ARL6IP6: variants seen among roughly 807,000 people sequenced by gnomAD.
ARL6IP6 encodes ADP-ribosylation factor-like protein 6-interacting protein 6.
In ARL6IP6, 22 loss-of-function variants were observed where a neutral mutation model predicts 21.5. The observed-to-expected ratio is 1.02, with a 90% confidence interval of 0.73 to 1.46. The LOEUF (loss-of-function observed/expected upper bound fraction) is 1.46, where lower values mean the gene tolerates loss of function less well. Among genes scored for constraint, ARL6IP6 ranks in the 40% most tolerant of loss-of-function variants. The probability of loss-of-function intolerance (pLI) is 0.00; values close to 1 mark genes in which losing one functional copy is unlikely to be tolerated. For missense variants in ARL6IP6, 388 were observed against 299.8 expected (o/e 1.29, Z -2.17); for synonymous variants, 164 against 125.3 (o/e 1.31, Z -2.06).
intron 2 of ARL6IP6, among the ~76,000 whole-genome samples, chr2:152,722,733 C>T (rs1183897735): frequency 6.6e-6 from 1 of 152,006 alleles, no homozygotes; most frequent in African/African-American, 2.4e-5. Flanking sequence ...TGAAACCCCG[C>T]CTTTACTAAA....
rs755471246 is a variant in ARL6IP6 at position 152,718,988 on chromosome 2, G to GC, written c.366dup (p.Phe123LeufsTer11). The GC allele has an allele frequency of 9.5e-6, 15 of 1,583,858 alleles. No homozygotes were observed. Among genetic ancestry groups the GC allele is most frequent in the Non-Finnish European group, 1.7e-6 (2 of 1,162,456 alleles). On this transcript the variant is annotated frameshift_variant, in exon 1 of 4. Transcript: ENST00000326446. LOFTEE classifies it high-confidence loss of function. Reference sequence around the variant, plus strand: ...CTCGCTGCTCTTCGCCATTCTTCTCGCCTTCCTCCTCGCCATCGCCTACTT... The same window carrying GC: ...CTCGCTGCTCTTCGCCATTCTTCTCGCCCTTCCTCCTCGCCATCGCCTACTT...
chr2:152,717,871 C>A (rs989298748), upstream of ARL6IP6: 3 of 1,067,002 alleles, frequency 2.8e-6, no homozygotes, highest in Non-Finnish European at 2.3e-6. Flanking sequence ...CGGGGGTAAG[C>A]AGCCTGTAGT....
chr2:152,733,631 G>A (rs1700425204), intron 2 of ARL6IP6, among the ~76,000 whole-genome samples: 1 of 152,028 alleles, frequency 6.6e-6, no homozygotes, highest in Admixed American at 6.5e-5. Flanking sequence ...TCAATATTTG[G>A]TTGGACTAGT....
chr2:152,717,829 A>C (rs1699220780), upstream of ARL6IP6: 2 of 1,109,308 alleles, frequency 1.8e-6, no homozygotes, highest in East Asian at 7.7e-5. Context: ...CGCCCCACAA[A>C]CCTGAGGCCG....
intron 2 of ARL6IP6, chr2:152,732,483 TTA>T (rs1257108977): frequency 2.5e-6 from 1 of 406,968 alleles, no homozygotes; most frequent in African/African-American, 2.1e-5. Flanking sequence ...GCATTTAACT[TTA>T]TATTTGGATT....
chr2:152,739,032 G>C (rs538162107), intron 3 of ARL6IP6, among the ~76,000 whole-genome samples: 16 of 151,848 alleles, frequency 1.1e-4, no homozygotes, highest in African/African-American at 2.9e-4. Flanking sequence ...ACCCAGGCTG[G>C]AGTGCAGTGG....
intron 3 of ARL6IP6, among the ~76,000 whole-genome samples, chr2:152,747,885 A>G (rs1301144621): frequency 1.3e-5 from 2 of 151,908 alleles, no homozygotes; most frequent in Non-Finnish European, 2.9e-5. Context: ...TTTTTTTTGT[A>G]GAAACAATGT....
chr2:152,730,734 T>G (rs1450270561), intron 2 of ARL6IP6, among the ~76,000 whole-genome samples: 1 of 152,090 alleles, frequency 6.6e-6, no homozygotes, highest in Admixed American at 6.5e-5. Flanking sequence ...GGATGGTGTT[T>G]CAGATGTGGC....
intron 1 of ARL6IP6, chr2:152,719,964 A>G: frequency 2.1e-6 from 1 of 470,174 alleles, no homozygotes; most frequent in Non-Finnish European, 4.4e-6. Flanking sequence ...TACAGAAGAC[A>G]CTTTGGCCAG....
intron 3 of ARL6IP6, among the ~76,000 whole-genome samples, chr2:152,736,293 T>G (rs1408406797): frequency 6.6e-6 from 1 of 152,118 alleles, no homozygotes; most frequent in South Asian, 2.1e-4. Context: ...TTCAAAAAAA[T>G]CACCAAAAAA....
chr2:152,724,878 G>A (rs2105095651), intron 2 of ARL6IP6, among the ~76,000 whole-genome samples: 1 of 143,626 alleles, frequency 7.0e-6, no homozygotes, highest in African/African-American at 2.6e-5. Context: ...CACTGGCCTA[G>A]TAGTTCCCAA....
At chr2:152,717,825 A>G (rs1699219526), upstream of ARL6IP6, 1 of 1,131,512 alleles carries the variant, frequency 8.8e-7, no homozygotes, top group East Asian at 7.0e-5. Context: ...CGTACGCCCC[A>G]CAAACCTGAG....
At chr2:152,758,436 AT>A (rs1309734219) in intron 3 of ARL6IP6, among the ~76,000 whole-genome samples, 5 of 152,118 alleles carry the variant, frequency 3.3e-5, no homozygotes, top group Non-Finnish European at 7.4e-5. Flanking sequence ...GATAATGCTG[AT>A]TGTTCAACTT....
intron 3 of ARL6IP6, among the ~76,000 whole-genome samples, chr2:152,745,959 G>A (rs1464202239): frequency 8.8e-6 from 1 of 113,906 alleles, no homozygotes; most frequent in Admixed American, 8.7e-5. Context: ...TGGTTTTATT[G>A]TTTCCATAAA....
At chr2:152,757,601 A>T (rs1701648373) in intron 3 of ARL6IP6, among the ~76,000 whole-genome samples, 1 of 152,192 alleles carries the variant, frequency 6.6e-6, no homozygotes, top group Admixed American at 6.5e-5. Flanking sequence ...AATGAGAGTC[A>T]CAAGAGAGAA....
chr2:152,718,176 G>T, upstream of ARL6IP6: 1 of 626,160 alleles, frequency 1.6e-6, no homozygotes, highest in Non-Finnish European at 2.0e-6. Context: ...TAGTGGGGAA[G>T]AAGGGAGAAG....
Position 152,759,905 on chromosome 2 carries a change from G to T in ARL6IP6, c.*65G>T. 1.5e-6 allele frequency: 2 copies of T among 1,357,564 alleles called. No individual in the cohort carries two copies. Among genetic ancestry groups the T allele is most frequent in the Admixed American group, 1.7e-5 (1 of 58,830 alleles). 84.1% of individuals were successfully genotyped at this position (1,357,564 alleles called of 1,614,324 possible). On this transcript the variant is annotated 3_prime_UTR_variant, in exon 4 of 4. Coordinates refer to ENST00000326446, the MANE Select transcript of ARL6IP6 (RefSeq NM_152522.7). ...GATTGTTTTGTAATAACAAGAAGGA[G>T]CATCACTGTCTACTCAGAAGACTGA...
chr2:152,750,652 C>A (rs1293404803), intron 3 of ARL6IP6, among the ~76,000 whole-genome samples: 1 of 149,712 alleles, frequency 6.7e-6, no homozygotes, highest in Non-Finnish European at 1.5e-5. Context: ...ACACAATGTA[C>A]CTCTTTTGTC....
intron 3 of ARL6IP6, among the ~76,000 whole-genome samples, chr2:152,748,564 A>G (rs1701167608): frequency 6.6e-6 from 1 of 152,226 alleles, no homozygotes; most frequent in Non-Finnish European, 1.5e-5. Context: ...AGGGGAATAG[A>G]TTAGTACCAT....
Sources: gnomAD v4.1 joint callset for allele counts (sites outside exome capture counted in the v4.1 genomes callset) on GRCh38, gnomAD v4.1.1 for gene constraint, MANE v1.5 for transcripts, NCBI Gene and HGNC (gene_info 2026-07-23, HGNC 2026-07-21) for gene names.